TAFA2: variants seen among roughly 807,000 people sequenced by gnomAD.
TAFA2 encodes the protein chemokine-like protein TAFA-2.
Under a neutral mutation model 18.8 loss-of-function variants are expected in TAFA2, and 7 were observed. The observed-to-expected ratio is 0.37, with a 90% confidence interval of 0.21 to 0.70. TAFA2 has a LOEUF of 0.70. Among genes scored for constraint, TAFA2 ranks in the 30% least tolerant of loss-of-function variants. The pLI is 0.53. For synonymous variants in TAFA2, 60 were observed against 54.2 expected (o/e 1.11, Z -0.47); for missense variants, 122 against 158.1 (o/e 0.77, Z 1.23).
intron 1 of TAFA2, among the ~76,000 whole-genome samples, chr12:62,128,421 C>T (rs760051612): frequency 5.3e-5 from 8 of 151,974 alleles, no homozygotes; most frequent in Non-Finnish European, 8.8e-5. Flanking sequence ...CTGCCTTTCC[C>T]AAAGCTAATT....
At chr12:62,031,650 G>T (rs75495702) in intron 1 of TAFA2, among the ~76,000 whole-genome samples, 3,047 of 152,162 alleles carry the variant, frequency 0.02, 65 homozygotes, top group African/African-American at 0.047. Context: ...AAAGTATAAA[G>T]AATGACATTT....
intron 2 of TAFA2, among the ~76,000 whole-genome samples, chr12:61,788,871 G>A (rs1870853682): frequency 6.6e-6 from 1 of 151,704 alleles, no homozygotes; most frequent in Admixed American, 6.6e-5. Flanking sequence ...CCAATAACAA[G>A]TAAAATAACT....
chr12:61,867,297 A>G (rs752860655), intron 2 of TAFA2, 23 bp downstream of exon 2: 14 of 1,311,748 alleles, frequency 1.1e-5, no homozygotes, highest in Non-Finnish European at 1.4e-5. Flanking sequence ...CATTTAGTTG[A>G]AAAAAAAAAC....
rs1869243807 is a variant in TAFA2 at position 61,708,450 on chromosome 12, G to C, written c.*1956C>G. The C allele has an allele frequency of 6.6e-6, 1 of 152,014 alleles. No homozygotes were observed. Among genetic ancestry groups the C allele is most frequent in the Non-Finnish European group, 1.5e-5 (1 of 67,962 alleles). 9.4% of individuals were successfully genotyped at this position (152,014 alleles called of 1,614,324 possible). A position where few individuals can be genotyped will look rare whatever the true frequency, so the allele number is the denominator to read the frequency against. On this transcript the variant is annotated 3_prime_UTR_variant, in exon 5 of 5. Coordinates refer to ENST00000416284, the MANE Select transcript of TAFA2 (RefSeq NM_178539.5). ...ATTTAAAGAACATAGTTTAAAAAAT[G>C]AGAAGCATGATGTATAATTTCAAAT... is the stretch of plus-strand genomic sequence containing the variant.
chr12:61,811,619 T>C (rs1314022159), intron 2 of TAFA2, among the ~76,000 whole-genome samples: 1 of 151,434 alleles, frequency 6.6e-6, no homozygotes, highest in Non-Finnish European at 1.5e-5. Flanking sequence ...GTAAGTATCC[T>C]ATAATATTGC....
chr12:62,125,671 A>G (rs886522152), intron 1 of TAFA2, among the ~76,000 whole-genome samples: 1 of 148,382 alleles, frequency 6.7e-6, no homozygotes, highest in African/African-American at 2.4e-5. Flanking sequence ...ACTCCCGCAG[A>G]TATTTTTTTT....
chr12:62,243,268 T>C (rs894675018), intron 1 of TAFA2, among the ~76,000 whole-genome samples: 1 of 152,186 alleles, frequency 6.6e-6, no homozygotes, highest in Non-Finnish European at 1.5e-5. Flanking sequence ...AAAAGAAGCA[T>C]GGCAGGAAAA....
At chr12:61,891,122 G>A (rs1398436196) in intron 1 of TAFA2, among the ~76,000 whole-genome samples, 2 of 152,152 alleles carry the variant, frequency 1.3e-5, no homozygotes, top group East Asian at 1.9e-4. Context: ...GTTCCAGAAG[G>A]GAGAAAATAA....
chr12:61,942,344 A>C lies in TAFA2; in HGVS notation c.-1-74918T>G, dbSNP rs1444474103. 1.6e-3 allele frequency among the ~76,000 whole-genome samples: 242 copies of C among 150,136 alleles called. 2 individuals carry two copies. Among genetic ancestry groups the C allele is most frequent in the Admixed American group, 2.6e-3 (39 of 15,070 alleles). On this transcript the variant is annotated intron_variant, in intron 1 of 4. Transcript: ENST00000416284. The stretch of plus-strand genomic sequence containing the variant: ...AGACCAAAAGTAGATAAAACCACAA[A>C]GATGGGGAAAAAACAGAACAGAAAA...
At chr12:61,757,149 T>C (rs2120773505) in intron 2 of TAFA2, among the ~76,000 whole-genome samples, 1 of 152,090 alleles carries the variant, frequency 6.6e-6, no homozygotes, top group African/African-American at 2.4e-5. Flanking sequence ...AAGGCAAGAG[T>C]GGAGACCAGT....
intron 4 of TAFA2, among the ~76,000 whole-genome samples, chr12:61,744,683 T>A (rs920939525): frequency 6.6e-6 from 1 of 152,078 alleles, no homozygotes; most frequent in Non-Finnish European, 1.5e-5. Context: ...GCCTTCCAAG[T>A]AGCTGGGGGT....
intron 1 of TAFA2, among the ~76,000 whole-genome samples, chr12:61,958,775 A>C (rs1274552629): frequency 6.6e-6 from 1 of 151,984 alleles, no homozygotes; most frequent in East Asian, 1.9e-4. Flanking sequence ...TTTCATACAT[A>C]GGTTTTCAAT....
chr12:61,981,195 A>G (rs921721843), intron 1 of TAFA2, among the ~76,000 whole-genome samples: 3 of 152,182 alleles, frequency 2.0e-5, no homozygotes, highest in Non-Finnish European at 4.4e-5. Context: ...CTGACAAAAA[A>G]ACAAGAAATG....
intron 2 of TAFA2, among the ~76,000 whole-genome samples, chr12:61,818,628 C>A (rs139045029): frequency 6.6e-6 from 1 of 152,170 alleles, no homozygotes; most frequent in Non-Finnish European, 1.5e-5. Flanking sequence ...AGCTCTCCCA[C>A]GTGATGCAGC....
intron 1 of TAFA2, among the ~76,000 whole-genome samples, chr12:61,886,605 G>A (rs1261704744): frequency 6.6e-6 from 1 of 152,186 alleles, no homozygotes; most frequent in East Asian, 1.9e-4. Context: ...GGTCCGCAGA[G>A]TGGCAAGTTC....
intron 4 of TAFA2, among the ~76,000 whole-genome samples, chr12:61,712,407 C>T (rs1386242282): frequency 1.3e-5 from 2 of 151,950 alleles, no homozygotes; most frequent in Non-Finnish European, 2.9e-5. Context: ...AAATAGACAT[C>T]TAAATTAAAA....
chr12:61,851,101 T>TA, intron 2 of TAFA2, among the ~76,000 whole-genome samples: 1 of 152,332 alleles, frequency 6.6e-6, no homozygotes, highest in South Asian at 2.1e-4. Context: ...GACATGAATC[T>TA]AACCTCAGAG....
chr12:61,773,306 A>C (rs1320254085), intron 2 of TAFA2, among the ~76,000 whole-genome samples: 2 of 151,934 alleles, frequency 1.3e-5, no homozygotes, highest in Non-Finnish European at 1.5e-5. Context: ...AATTCAATGC[A>C]ATTCCCATCA....
At chr12:62,194,366 CTTCT>C (rs2062640473), upstream of TAFA2, among the ~76,000 whole-genome samples, 1 of 151,458 alleles carries the variant, frequency 6.6e-6, no homozygotes, top group Non-Finnish European at 1.5e-5. Flanking sequence ...ATCTTTCTAC[CTTCT>C]AATTCATTAA....
Sources: allele counts gnomAD v4.1 joint callset (sites outside exome capture counted in the v4.1 genomes callset), GRCh38; gene constraint gnomAD v4.1.1; transcripts MANE v1.5; gene names NCBI Gene and HGNC (gene_info 2026-07-23, HGNC 2026-07-21).